ADPGK: variants seen among roughly 807,000 people sequenced by gnomAD.
The protein encoded by ADPGK is ADP dependent glucokinase, also known as ADP-dependent glucokinase.
ADPGK carries 26 observed loss-of-function variants against 42.4 expected under a neutral mutation model. The observed-to-expected ratio is 0.61, with a 90% CI of 0.45 to 0.85. The LOEUF (loss-of-function observed/expected upper bound fraction) is 0.85, where lower values mean the gene tolerates loss of function less well. Among genes scored for constraint, ADPGK ranks in the 40% least tolerant of loss-of-function variants. The pLI is 0.00. For synonymous variants in ADPGK, 267 were observed against 252.6 expected, an observed-to-expected ratio of 1.06 and a Z score of -0.54; for missense variants, 571 against 627.0, an observed-to-expected ratio of 0.91 and a Z score of 0.95.
At position 72,783,488 on chromosome 15, in the gene ADPGK, T is replaced by C; in HGVS notation, c.204A>G (p.Pro68=). The change falls in exon 1 of 7, where the codon CCA becomes CCG. Residue 68 remains proline (P), a synonymous_variant. Transcript: ENST00000456471. ...AAAWDALIVR[P]VRRWRRVAVG... ...CTGCCACGCGGCGCCAGCGCCGGAC[T>C]GGCCGCACGATAAGCGCGTCCCAGG... 7.0e-7 allele frequency: 1 copy of C among 1,422,604 alleles called. No individual in the cohort carries two copies. Among genetic ancestry groups the C allele is most frequent in the Non-Finnish European group, 9.1e-7 (1 of 1,094,648 alleles). The allele number at this position is 1,422,604 out of a possible 1,614,324, so 88.1% of individuals were successfully genotyped here.
At chr15:72,781,827 G>A (rs773913593) in intron 1 of ADPGK, among the ~76,000 whole-genome samples, 4 of 152,178 alleles carry the variant, frequency 2.6e-5, no homozygotes, top group African/African-American at 7.2e-5. Flanking sequence ...ATATTTGGAC[G>A]TAGGGCCTTT....
At chr15:72,758,398 T>C in intron 4 of ADPGK, 3 of 534,528 alleles carry the variant, frequency 5.6e-6, no homozygotes, top group East Asian at 3.3e-5. Context: ...GACAATGGGC[T>C]TCTCTGGGGA....
chr15:72,763,453 C>T (rs1222980621), intron 3 of ADPGK, among the ~76,000 whole-genome samples: 1 of 151,724 alleles, frequency 6.6e-6, no homozygotes, highest in Non-Finnish European at 1.5e-5. Context: ...TTCCAAAGTG[C>T]CGGATTACAG....
chr15:72,755,387 A>G (rs1458776827), intron 6 of ADPGK, among the ~76,000 whole-genome samples, 169 bp downstream of exon 6: 1 of 152,242 alleles, frequency 6.6e-6, no homozygotes, highest in Non-Finnish European at 1.5e-5. Context: ...GCTGTTTCAG[A>G]ACAGTCCTGG....
intron 4 of ADPGK, chr15:72,758,303 C>T (rs2066142937): frequency 4.3e-6 from 3 of 700,736 alleles, no homozygotes; most frequent in Non-Finnish European, 7.8e-6. Context: ...TGTAAGCAAT[C>T]TCTTCTCAAT....
At chr15:72,764,576 C>T (rs563254530) in intron 3 of ADPGK, among the ~76,000 whole-genome samples, 1 of 152,328 alleles carries the variant, frequency 6.6e-6, no homozygotes, top group Non-Finnish European at 1.5e-5. Context: ...GCAGCAAGTG[C>T]TGATGTAGAA....
intron 4 of ADPGK, among the ~76,000 whole-genome samples, chr15:72,759,702 A>G (rs959914053): frequency 6.6e-6 from 1 of 152,242 alleles, no homozygotes; most frequent in Non-Finnish European, 1.5e-5. Flanking sequence ...GTGTTGAATC[A>G]GAAACTCAAG....
chr15:72,775,622 C>A (rs2066382653), intron 1 of ADPGK, among the ~76,000 whole-genome samples: 1 of 152,206 alleles, frequency 6.6e-6, no homozygotes. Flanking sequence ...GGCTAGGTAT[C>A]AGGCATCTTC....
In ADPGK at chr15:72,760,505, C is replaced by T. The variant is rs2066178712; in HGVS notation, c.545G>A (p.Gly182Asp). 6.2e-7 allele frequency: 1 copy of T among 1,606,184 alleles called. No individual in the cohort carries two copies. The highest frequency in any genetic ancestry group is 1.3e-5 in the African/African-American group (1 of 74,846). Reference protein sequence around the residue: ...DLKVLLCGPVGPKLHELLDDN... With the variant: ...DLKVLLCGPVDPKLHELLDDN... Reference sequence around the variant, plus strand: ...ATCAAGAAGCTCATGTAGCTTTGGACCAACTGGACCGCAAAGAAGAACCTG... The same window carrying T: ...ATCAAGAAGCTCATGTAGCTTTGGATCAACTGGACCGCAAAGAAGAACCTG... The change falls in exon 4 of 7, where the codon GGT becomes GAT. Residue 182 changes from glycine (G) to aspartate (D), a missense_variant. By Grantham distance (94) the Gly-to-Asp change is moderately conservative. Around this residue, in one of 2 missense-constraint regions of ADPGK, gnomAD observed 434 missense variants for 522.7 expected, o/e 0.83. Coordinates refer to ENST00000456471, the MANE Select transcript of ADPGK (RefSeq NM_001365225.1).
At chr15:72,756,218 G>A in intron 5 of ADPGK, 33 bp downstream of exon 5, 1 of 1,611,300 alleles carries the variant, frequency 6.2e-7, no homozygotes, top group African/African-American at 1.3e-5. Flanking sequence ...ACCACCAGCT[G>A]AGATCTGTGA....
chr15:72,779,733 CCTCTT>C (rs2151095430), intron 1 of ADPGK, among the ~76,000 whole-genome samples: 1 of 152,270 alleles, frequency 6.6e-6, no homozygotes, highest in African/African-American at 2.4e-5. Context: ...TTTACCTTCT[CCTCTT>C]CTCTTCCTGG....
rs770931319 is a variant in ADPGK at position 72,760,426 on chromosome 15, G to A, written c.624C>T (p.Leu208=). ...CCTTACCTGCTTGATACTCTAAAAT[G>A]AGGTGGAACTCATCCACTTCCTGCA... The part of the protein sequence containing the change: ...ESLQEVDEFH[L]ILEYQAGEEW... The change falls in exon 4 of 7, where the codon CTC becomes CTT. Residue 208 remains leucine, a synonymous_variant. Coordinates refer to ENST00000456471, the MANE Select transcript of ADPGK (RefSeq NM_001365225.1). 2.5e-6 allele frequency: 4 copies of A among 1,605,662 alleles called. No homozygotes were observed. Among genetic ancestry groups the A allele is most frequent in the Non-Finnish European group, 3.4e-6 (4 of 1,173,996 alleles).
chr15:72,758,761 TC>T (rs1002682212), intron 4 of ADPGK, among the ~76,000 whole-genome samples: 3 of 152,130 alleles, frequency 2.0e-5, no homozygotes, highest in African/African-American at 7.2e-5. Flanking sequence ...CGTAAGACTC[TC>T]CACTCTGTAG....
At chr15:72,783,340 G>C in intron 1 of ADPGK, 119 bp downstream of exon 1, 12 of 1,290,208 alleles carry the variant, frequency 9.3e-6, no homozygotes, top group Non-Finnish European at 1.2e-5. Flanking sequence ...TCGCCAAGGG[G>C]CCAGCGCGGA....
chr15:72,770,970 C>T (rs1349620672), intron 3 of ADPGK, among the ~76,000 whole-genome samples: 9 of 152,204 alleles, frequency 5.9e-5, no homozygotes, highest in African/African-American at 2.2e-4. Context: ...GCGGCCACAA[C>T]CATTCTGCAC....
Position 72,774,986 on chromosome 15 carries a change from C to T in ADPGK, c.345G>A (p.Leu115=). 1 of 1,614,134 alleles carries T rather than the reference C, an allele frequency of 6.2e-7. No homozygotes were observed. Among genetic ancestry groups the T allele is most frequent in the Non-Finnish European group, 8.5e-7 (1 of 1,180,026 alleles). Residue 115 remains leucine (L), a synonymous_variant, in exon 2 of 7, where the codon CTG becomes CTA. Coordinates refer to ENST00000456471, the MANE Select transcript of ADPGK (RefSeq NM_001365225.1). ...DHSILHSRND[L]EEAFIHFMGK... is the part of the protein sequence containing the mutation. Reference sequence around the variant, plus strand: ...CCATGAAGTGAATGAAGGCTTCTTCCAGATCATTCCTTGAATGCAGAATGC... The same window carrying T: ...CCATGAAGTGAATGAAGGCTTCTTCTAGATCATTCCTTGAATGCAGAATGC...
At chr15:72,761,644 A>G (rs1297077193) in intron 3 of ADPGK, among the ~76,000 whole-genome samples, 1 of 152,030 alleles carries the variant, frequency 6.6e-6, no homozygotes, top group Admixed American at 6.6e-5. Context: ...CTGAACAATG[A>G]GGACGGCACT....
intron 3 of ADPGK, among the ~76,000 whole-genome samples, chr15:72,765,480 T>G (rs1036091618): frequency 6.6e-6 from 1 of 152,184 alleles, no homozygotes; most frequent in Admixed American, 6.5e-5. Context: ...ATTTAAGAAA[T>G]ACATTTCATA....
In ADPGK at chr15:72,761,603, A is replaced by G. The variant is rs538627249; in HGVS notation, c.523-1076T>C. ...AATAAACCGCTGTTTTTGACACAAC[A>G]TTCAAGGCCAGGCTAGCAGATTCAA... On this transcript the variant is annotated intron_variant, in intron 3 of 6. Transcript: ENST00000456471. Among the ~76,000 whole-genome samples the G allele has an allele frequency of 2.6e-5, 4 of 152,168 alleles. No individual in the cohort carries two copies. The South Asian group carries it at 8.3e-4, about 32-fold the overall frequency.
Sources: allele counts gnomAD v4.1 joint callset (sites outside exome capture counted in the v4.1 genomes callset), GRCh38; gene constraint gnomAD v4.1.1; regional missense constraint gnomAD v4.1.1; transcripts MANE v1.5; gene names NCBI Gene and HGNC (gene_info 2026-07-23, HGNC 2026-07-21).